LHFPL2: variants seen among roughly 807,000 people sequenced by gnomAD.
The protein encoded by LHFPL2 is LHFPL tetraspan subfamily member 2, also known as LHFPL tetraspan subfamily member 2 protein.
A neutral mutation model predicts 17.5 loss-of-function variants in LHFPL2; 7 were observed. The observed-to-expected ratio is 0.40, with a 90% confidence interval of 0.23 to 0.75. LHFPL2 has a LOEUF of 0.75. LHFPL2 is among the 30% of genes least tolerant of loss of function. The pLI is 0.37. For synonymous variants in LHFPL2, 134 were observed against 116.2 expected (o/e 1.15, Z -0.99); for missense variants, 241 against 294.8 (o/e 0.82, Z 1.34).
intron 4 of LHFPL2, among the ~76,000 whole-genome samples, chr5:78,489,954 C>T (rs1754382930): frequency 6.6e-6 from 1 of 152,246 alleles, no homozygotes; most frequent in African/African-American, 2.4e-5. Flanking sequence ...CATCTGATGT[C>T]AACCTGATTA....
chr5:78,531,868 C>T (rs1257293032), intron 3 of LHFPL2, among the ~76,000 whole-genome samples: 1 of 151,958 alleles, frequency 6.6e-6, no homozygotes, highest in Non-Finnish European at 1.5e-5. Flanking sequence ...CTCAAGCGAT[C>T]CTCCTACCTC....
rs142510855 is a variant in LHFPL2, at chr5:78,630,260, C to T, written c.-245+2004G>A. ...AAACTGCAGCTCACTAGGAAGTGGC[C>T]GGCACTCTCCCTGCATGGGGCAGTG... is the stretch of plus-strand genomic sequence containing the variant. On this transcript the variant is annotated intron_variant, in intron 2 of 4. Transcript: ENST00000380345. Among the ~76,000 whole-genome samples, 21 of 152,244 alleles carry T rather than the reference C, an allele frequency of 1.4e-4. No homozygotes were observed. In the East Asian group the frequency reaches 2.9e-3, roughly 21 times the overall value.
intron 2 of LHFPL2, among the ~76,000 whole-genome samples, chr5:78,575,502 T>C (rs1035774291): frequency 3.9e-5 from 6 of 152,072 alleles, no homozygotes; most frequent in African/African-American, 1.4e-4. Context: ...TGAGCCAAGA[T>C]TGCGCCACTG....
chr5:78,647,757 C>A (rs1745935032), intron 1 of LHFPL2, among the ~76,000 whole-genome samples: 1 of 151,798 alleles, frequency 6.6e-6, no homozygotes, highest in African/African-American at 2.4e-5. Flanking sequence ...ACAGAAAAGT[C>A]GAACGGGATT....
At position 78,645,733 on chromosome 5, in the gene LHFPL2, C is replaced by A. The variant is rs185277644; in HGVS notation, c.-350+2766G>T. Among the ~76,000 whole-genome samples, 34 of 152,264 alleles carry A rather than the reference C, an allele frequency of 2.2e-4. 1 individual carries two copies. In the East Asian group the frequency reaches 6.6e-3, roughly 29 times the overall value. On this transcript the variant is annotated intron_variant, in intron 1 of 4. Transcript: ENST00000380345. ...GAGTAGCTGGGACTACAGATGCATG[C>A]CACCACACCCGGCTAATTTTTGTCT...
chr5:78,494,367 C>T lies in LHFPL2; in HGVS notation c.431-5214G>A, dbSNP rs147074856. Reference sequence around the variant, plus strand: ...TCACCTGGAGGGCTGCTCACCTCTGCGATGGCTCAACTTGACAGAATGGTG... The same window carrying T: ...TCACCTGGAGGGCTGCTCACCTCTGTGATGGCTCAACTTGACAGAATGGTG... On this transcript the variant is annotated intron_variant, in intron 4 of 4. Coordinates refer to ENST00000380345, the MANE Select transcript of LHFPL2 (RefSeq NM_005779.3). 957 of 985,308 alleles carry T rather than the reference C, an allele frequency of 9.7e-4. 11 individuals carry two copies. The African/African-American group carries it at 0.014, about 15-fold the overall frequency. 61.0% of individuals were successfully genotyped at this position (985,308 alleles called of 1,614,324 possible). A position where few individuals can be genotyped will look rare whatever the true frequency, so the allele number is the denominator to read the frequency against.
At position 78,622,665 on chromosome 5, in the gene LHFPL2, C is replaced by G. The variant is rs189948042; in HGVS notation, c.-245+9599G>C. Reference sequence around the variant, plus strand: ...CATTCTCTTCCTCCAAGGAACCTGACAAGTCTCTCTAATGTTTCTTAACTG... The same window carrying G: ...CATTCTCTTCCTCCAAGGAACCTGAGAAGTCTCTCTAATGTTTCTTAACTG... On this transcript the variant is annotated intron_variant, in intron 2 of 4. Transcript: ENST00000380345. Among the ~76,000 whole-genome samples, 253 of 152,330 alleles carry G rather than the reference C, an allele frequency of 1.7e-3. 1 individual carries two copies. Among genetic ancestry groups the G allele is most frequent in the African/African-American group, 5.4e-3 (223 of 41,570 alleles).
At chr5:78,573,511 A>T (rs1757055574) in intron 2 of LHFPL2, among the ~76,000 whole-genome samples, 1 of 152,232 alleles carries the variant, frequency 6.6e-6, no homozygotes. Context: ...TGAGGCCAAC[A>T]CACTCAACCG....
intron 3 of LHFPL2, among the ~76,000 whole-genome samples, chr5:78,512,229 C>G (rs1414754923): frequency 6.6e-6 from 1 of 152,062 alleles, no homozygotes; most frequent in Non-Finnish European, 1.5e-5. Context: ...GCACAGGCTA[C>G]TTAGAGATGG....
intron 2 of LHFPL2, among the ~76,000 whole-genome samples, chr5:78,603,512 T>A (rs1018199528): frequency 6.6e-6 from 1 of 152,204 alleles, no homozygotes; most frequent in African/African-American, 2.4e-5. Flanking sequence ...CCATACCCTT[T>A]ACCAGAAACT....
At chr5:78,581,728 C>G (rs752505954) in intron 2 of LHFPL2, among the ~76,000 whole-genome samples, 3 of 152,166 alleles carry the variant, frequency 2.0e-5, no homozygotes, top group Non-Finnish European at 4.4e-5. Flanking sequence ...CAATGTTCAT[C>G]AAGGATATTG....
At chr5:78,602,574 C>T (rs1744056951) in intron 2 of LHFPL2, among the ~76,000 whole-genome samples, 1 of 152,210 alleles carries the variant, frequency 6.6e-6, no homozygotes, top group Non-Finnish European at 1.5e-5. Flanking sequence ...GGGAGTGAGT[C>T]TGACTCACAG....
chr5:78,553,764 ATT>A (rs751884544), intron 3 of LHFPL2, among the ~76,000 whole-genome samples: 1 of 152,254 alleles, frequency 6.6e-6, no homozygotes, highest in East Asian at 1.9e-4. Flanking sequence ...CTTCCGTCAG[ATT>A]TTTGTTTTCT....
chr5:78,504,353 G>A (rs111780850), intron 4 of LHFPL2, among the ~76,000 whole-genome samples: 2,888 of 152,272 alleles, frequency 0.019, 42 homozygotes, highest in Middle Eastern at 0.054. Flanking sequence ...GGCTCCATGT[G>A]TGCCAGGCAT....
chr5:78,578,587 AC>A (rs1757192646), intron 2 of LHFPL2, among the ~76,000 whole-genome samples: 8 of 39,986 alleles, frequency 2.0e-4, no homozygotes, highest in African/African-American at 1.3e-3. Context: ...GCATATGTGC[AC>A]ACACACACAC....
chr5:78,627,016 G>A (rs1394556988), intron 2 of LHFPL2, among the ~76,000 whole-genome samples: 2 of 152,138 alleles, frequency 1.3e-5, no homozygotes, highest in South Asian at 2.1e-4. Flanking sequence ...GGGAGGCAGA[G>A]GTTGCAGTGA....
At chr5:78,562,553 T>C (rs1756756239) in intron 3 of LHFPL2, among the ~76,000 whole-genome samples, 1 of 150,784 alleles carries the variant, frequency 6.6e-6, no homozygotes. Context: ...AAGAACTACT[T>C]GAACTGGGGA....
rs1561300283 is a variant in LHFPL2, at chr5:78,488,603, AG to A, written c.*293del. 7.9e-6 allele frequency: 3 copies of A among 379,896 alleles called. No homozygotes were observed. Among genetic ancestry groups the A allele is most frequent in the Non-Finnish European group, 9.9e-6 (2 of 202,966 alleles). The allele number at this position is 379,896 out of a possible 1,614,324, so 23.5% of individuals were successfully genotyped here. ...AGAGAAACTGCTGCCCTAATGATTTAGATTATTATCCTTCATTGAACCTGGG... is the reference window on the plus strand; with the variant it reads ...AGAGAAACTGCTGCCCTAATGATTTAATTATTATCCTTCATTGAACCTGGG... On this transcript the variant is annotated 3_prime_UTR_variant, in exon 5 of 5. Transcript: ENST00000380345.
chr5:78,520,231 C>G (rs917021480), intron 3 of LHFPL2, among the ~76,000 whole-genome samples: 9 of 152,162 alleles, frequency 5.9e-5, no homozygotes, highest in African/African-American at 2.2e-4. Context: ...ATCATCCTCA[C>G]TCTCTGTAGA....
Sources: gnomAD v4.1 joint callset for allele counts (sites outside exome capture counted in the v4.1 genomes callset) on GRCh38, gnomAD v4.1.1 for gene constraint, MANE v1.5 for transcripts, NCBI Gene and HGNC (gene_info 2026-07-23, HGNC 2026-07-21) for gene names.